Variants in SMARCAD1 observed in about 807,000 individuals in gnomAD.
SMARCAD1 encodes SNF2 related chromatin remodeling ATPase with DExD box 1, also known as SWI/SNF-related matrix-associated actin-dependent regulator of chromatin subfamily A containing DEAD/H box 1.
A neutral mutation model predicts 127.1 loss-of-function variants in SMARCAD1; 25 were observed. The ratio of observed to expected loss-of-function variants is 0.20; its 90% CI spans 0.14 to 0.27. SMARCAD1 has a LOEUF of 0.27. Among genes scored for constraint, SMARCAD1 ranks in the 10% least tolerant of loss-of-function variants. The pLI, the probability that SMARCAD1 is intolerant of heterozygous loss-of-function variation, is 1.00. For missense variants in SMARCAD1, 807 were observed against 1,206.0 expected, an observed-to-expected ratio of 0.67 and a Z score of 4.90; for synonymous variants, 400 against 396.9, an observed-to-expected ratio of 1.01 and a Z score of -0.09.
chr4:94,256,933 T>C (rs1318194833), intron 9 of SMARCAD1, among the ~76,000 whole-genome samples: 1 of 152,204 alleles, frequency 6.6e-6, no homozygotes, highest in African/African-American at 2.4e-5. Flanking sequence ...GGGCTGTCTT[T>C]TGGTAAGTGG....
chr4:94,233,229 T>C (rs1226430188), intron 3 of SMARCAD1, among the ~76,000 whole-genome samples: 1 of 152,230 alleles, frequency 6.6e-6, no homozygotes, highest in East Asian at 1.9e-4. Flanking sequence ...CTGATCTCTA[T>C]AACTTACATT....
At chr4:94,276,126 C>T (rs1753271090) in intron 14 of SMARCAD1, among the ~76,000 whole-genome samples, 1 of 152,068 alleles carries the variant, frequency 6.6e-6, no homozygotes, top group Non-Finnish European at 1.5e-5. Flanking sequence ...TTATGTATTG[C>T]AGCTTTCATA....
intron 9 of SMARCAD1, among the ~76,000 whole-genome samples, chr4:94,264,060 A>G (rs1560551222): frequency 6.6e-6 from 1 of 151,896 alleles, no homozygotes; most frequent in Non-Finnish European, 1.5e-5. Flanking sequence ...TTATATTGAA[A>G]TTGGTTTTTA....
At position 94,221,339 on chromosome 4, in the gene SMARCAD1, G is replaced by A. The variant is rs1170788797; in HGVS notation, c.191-4780G>A. On this transcript the variant is annotated intron_variant, in intron 2 of 23. Coordinates refer to ENST00000354268, the MANE Select transcript of SMARCAD1 (RefSeq NM_020159.5). ...ATTAGGAAATAATACATGGTTAACG[G>A]TTTTAACGTAATAGAATGCAAAATG... 3.3e-5 allele frequency among the ~76,000 whole-genome samples: 5 copies of A among 152,260 alleles called. No individual in the cohort carries two copies. In the East Asian group the frequency reaches 9.6e-4, roughly 29 times the overall value.
At chr4:94,207,860 G>C (rs1414114210), upstream of SMARCAD1, 6 of 332,610 alleles carry the variant, frequency 1.8e-5, no homozygotes, top group Non-Finnish European at 3.5e-5. Flanking sequence ...AGCTGGGATC[G>C]CGCCGCGTCA....
chr4:94,211,089 A>T (rs1261404891), intron 2 of SMARCAD1, among the ~76,000 whole-genome samples: 1 of 152,070 alleles, frequency 6.6e-6, no homozygotes, highest in African/African-American at 2.4e-5. Flanking sequence ...CCTGACCAAC[A>T]TGGAGAAACC....
intron 6 of SMARCAD1, chr4:94,248,440 G>A (rs1240678065): frequency 2.2e-6 from 1 of 456,006 alleles, no homozygotes; most frequent in Non-Finnish European, 4.4e-6. Flanking sequence ...GCTGGTTGTT[G>A]TCCATCTGTG....
At chr4:94,274,064 A>G (rs1474265886) in intron 12 of SMARCAD1, among the ~76,000 whole-genome samples, 2 of 152,254 alleles carry the variant, frequency 1.3e-5, no homozygotes, top group Admixed American at 6.5e-5. Context: ...TCCTACACAC[A>G]TAACTGTTCC....
At chr4:94,274,603 C>T (rs1753006584) in intron 12 of SMARCAD1, 135 bp from the exon 13 acceptor site, 3 of 850,626 alleles carry the variant, frequency 3.5e-6, no homozygotes, top group South Asian at 2.9e-5. Flanking sequence ...AGGCATGAGC[C>T]ACCTTGCTGG....
intron 3 of SMARCAD1, among the ~76,000 whole-genome samples, chr4:94,228,200 C>T (rs1176274337): frequency 7.2e-5 from 11 of 151,996 alleles, no homozygotes; most frequent in Admixed American, 4.6e-4. Flanking sequence ...GAAGATCCTG[C>T]ATGGTTAATC....
intron 2 of SMARCAD1, among the ~76,000 whole-genome samples, chr4:94,216,582 A>G (rs2125803066): frequency 6.6e-6 from 1 of 152,294 alleles, no homozygotes; most frequent in Non-Finnish European, 1.5e-5. Context: ...ATCTTGTGAA[A>G]CTGAAACTCT....
At chr4:94,257,594 GTTTA>G (rs1560545530) in intron 9 of SMARCAD1, among the ~76,000 whole-genome samples, 1 of 151,854 alleles carries the variant, frequency 6.6e-6, no homozygotes, top group East Asian at 1.9e-4. Context: ...TCCCCAAATT[GTTTA>G]TTTACTTTTT....
chr4:94,277,195 A>G, intron 16 of SMARCAD1, 36 bp downstream of exon 16: 1 of 1,610,318 alleles, frequency 6.2e-7, no homozygotes, highest in Non-Finnish European at 8.5e-7. Context: ...CAAATATGTT[A>G]TTTGTGTTTT....
chr4:94,288,105 C>G (rs568143763), intron 23 of SMARCAD1, among the ~76,000 whole-genome samples: 1 of 151,984 alleles, frequency 6.6e-6, no homozygotes, highest in African/African-American at 2.4e-5. Flanking sequence ...TCCCATTGAT[C>G]CATAATAAAG....
chr4:94,254,996 C>G (rs1749843099), intron 9 of SMARCAD1, among the ~76,000 whole-genome samples: 3 of 151,812 alleles, frequency 2.0e-5, no homozygotes, highest in Admixed American at 6.6e-5. Context: ...TAGTTAAAAG[C>G]TATATAATTT....
intron 9 of SMARCAD1, among the ~76,000 whole-genome samples, chr4:94,256,616 G>A (rs577210497): frequency 2.0e-5 from 3 of 152,138 alleles, no homozygotes; most frequent in South Asian, 4.1e-4. Context: ...ACCTGTTGCG[G>A]CCTCTCCAAG....
At chr4:94,210,019 A>T (rs931594707) in intron 2 of SMARCAD1, among the ~76,000 whole-genome samples, 16 of 152,202 alleles carry the variant, frequency 1.1e-4, no homozygotes, top group African/African-American at 3.9e-4. Context: ...TTCATCTCTG[A>T]AAGTGAAAGC....
intron 2 of SMARCAD1, among the ~76,000 whole-genome samples, chr4:94,210,425 C>T (rs1218399476): frequency 6.6e-6 from 1 of 152,052 alleles, no homozygotes; most frequent in Non-Finnish European, 1.5e-5. Context: ...GAAGAACTTA[C>T]AGAGTGAATG....
chr4:94,241,697 T>C (rs1384224182), intron 6 of SMARCAD1, among the ~76,000 whole-genome samples: 1 of 152,192 alleles, frequency 6.6e-6, no homozygotes, highest in African/African-American at 2.4e-5. Context: ...GACAGTTGAC[T>C]GAATCTCCCA....
Sources: allele counts gnomAD v4.1 joint callset (sites outside exome capture counted in the v4.1 genomes callset), GRCh38; gene constraint gnomAD v4.1.1; transcripts MANE v1.5; gene names NCBI Gene and HGNC (gene_info 2026-07-23, HGNC 2026-07-21).